LHFPL3: variants seen among roughly 807,000 people sequenced by gnomAD.
LHFPL3 encodes the protein LHFPL tetraspan subfamily member 3, also known as LHFPL tetraspan subfamily member 3 protein.
A neutral mutation model predicts 19.3 loss-of-function variants in LHFPL3; 5 were observed. The ratio of observed to expected loss-of-function variants is 0.26; its 90% CI spans 0.14 to 0.54. The LOEUF is 0.54. LHFPL3 is among the 20% of genes least tolerant of loss of function. The pLI is 0.94. For missense variants in LHFPL3, 249 were observed against 307.4 expected (o/e 0.81, Z 1.42); for synonymous variants, 133 against 126.2 (o/e 1.05, Z -0.36).
At chr7:104,658,089 A>T (rs1463271851) in intron 1 of LHFPL3, among the ~76,000 whole-genome samples, 2 of 152,276 alleles carry the variant, frequency 1.3e-5, no homozygotes, top group East Asian at 3.8e-4. Flanking sequence ...AAGTAAAATT[A>T]TGGAGAGCTT....
chr7:104,840,977 G>T (rs763535882), intron 2 of LHFPL3, among the ~76,000 whole-genome samples: 3 of 151,916 alleles, frequency 2.0e-5, no homozygotes, highest in Non-Finnish European at 4.4e-5. Context: ...TAGTTGAGCC[G>T]CCATGATGAG....
chr7:104,397,809 T>C (rs79507384), intron 1 of LHFPL3, among the ~76,000 whole-genome samples: 13,918 of 152,236 alleles, frequency 0.091, 695 homozygotes, highest in Non-Finnish European at 0.1. Flanking sequence ...GACTTGGCTT[T>C]GGAGGAAGTG....
chr7:104,790,549 AC>A (rs1790005537), intron 2 of LHFPL3, among the ~76,000 whole-genome samples: 2 of 152,266 alleles, frequency 1.3e-5, no homozygotes, highest in African/African-American at 2.4e-5. Flanking sequence ...AGTATAAACC[AC>A]CTAGGTACAA....
intron 1 of LHFPL3, among the ~76,000 whole-genome samples, chr7:104,626,967 C>G (rs995526353): frequency 6.6e-6 from 1 of 152,108 alleles, no homozygotes; most frequent in African/African-American, 2.4e-5. Flanking sequence ...CATTACTTCT[C>G]TTACCATTTT....
At chr7:104,664,192 C>G (rs1186310991) in intron 1 of LHFPL3, among the ~76,000 whole-genome samples, 1 of 152,092 alleles carries the variant, frequency 6.6e-6, no homozygotes, top group Non-Finnish European at 1.5e-5. Context: ...AATTTCCATC[C>G]CACATTCTGC....
chr7:104,376,038 G>A (rs1449608824), intron 1 of LHFPL3, among the ~76,000 whole-genome samples: 2 of 152,164 alleles, frequency 1.3e-5, no homozygotes, highest in African/African-American at 2.4e-5. Flanking sequence ...TGGCACATTA[G>A]GTTATCCTTA....
chr7:104,358,437 A>G (rs1046152449), intron 1 of LHFPL3, among the ~76,000 whole-genome samples: 3 of 152,148 alleles, frequency 2.0e-5, no homozygotes, highest in African/African-American at 4.8e-5. Context: ...TGTCAGTTTC[A>G]TATGTTTACC....
intron 2 of LHFPL3, among the ~76,000 whole-genome samples, chr7:104,759,299 C>T (rs943259463): frequency 2.0e-5 from 3 of 151,896 alleles, no homozygotes; most frequent in Admixed American, 6.6e-5. Context: ...TTAATAAGCC[C>T]GAGTTACTCA....
At chr7:104,467,911 G>C (rs746083698) in intron 1 of LHFPL3, among the ~76,000 whole-genome samples, 1 of 152,116 alleles carries the variant, frequency 6.6e-6, no homozygotes, top group Non-Finnish European at 1.5e-5. Context: ...GCTGACCCAT[G>C]AATTTCCTTA....
chr7:104,509,960 CAAAGTT>C (rs1226930296), intron 1 of LHFPL3, among the ~76,000 whole-genome samples: 2 of 151,828 alleles, frequency 1.3e-5, no homozygotes, highest in East Asian at 1.9e-4. Flanking sequence ...CATGGGATAT[CAAAGTT>C]AAAGTGCAGT....
intron 1 of LHFPL3, among the ~76,000 whole-genome samples, chr7:104,665,076 A>C (rs1250238474): frequency 6.6e-6 from 1 of 152,256 alleles, no homozygotes; most frequent in Non-Finnish European, 1.5e-5. Flanking sequence ...TTTAGCACTT[A>C]ATCACTAATT....
chr7:104,354,871 C>T (rs1233605234), intron 1 of LHFPL3, among the ~76,000 whole-genome samples: 3 of 152,024 alleles, frequency 2.0e-5, no homozygotes, highest in African/African-American at 7.3e-5. Context: ...ATCTAAAATA[C>T]AGTAATTTCT....
At chr7:104,509,446 A>G (rs565781249) in intron 1 of LHFPL3, among the ~76,000 whole-genome samples, 2 of 152,274 alleles carry the variant, frequency 1.3e-5, no homozygotes, top group African/African-American at 4.8e-5. Context: ...ATTAACCAAT[A>G]TAATCCACCA....
At chr7:104,754,131 G>A (rs1794235535) in intron 2 of LHFPL3, among the ~76,000 whole-genome samples, 1 of 152,232 alleles carries the variant, frequency 6.6e-6, no homozygotes, top group African/African-American at 2.4e-5. Flanking sequence ...AATTTGGGAT[G>A]AGTAGAAACC....
chr7:104,747,202 A>C (rs1794063084), intron 2 of LHFPL3, among the ~76,000 whole-genome samples: 1 of 152,224 alleles, frequency 6.6e-6, no homozygotes, highest in Non-Finnish European at 1.5e-5. Context: ...TATTTCTGCA[A>C]GTTCGATGAC....
At chr7:104,644,197 T>C (rs573019581) in intron 1 of LHFPL3, among the ~76,000 whole-genome samples, 2 of 152,328 alleles carry the variant, frequency 1.3e-5, no homozygotes, top group Admixed American at 1.3e-4. Context: ...ACAGTTTTGT[T>C]TGCTGGATCT....
chr7:104,816,420 T>C (rs1470241123), intron 2 of LHFPL3, among the ~76,000 whole-genome samples: 2 of 152,168 alleles, frequency 1.3e-5, no homozygotes, highest in African/African-American at 2.4e-5. Flanking sequence ...AAAGGATGCA[T>C]TTACCAAAGA....
At chr7:104,643,111 T>C (rs992489121) in intron 1 of LHFPL3, among the ~76,000 whole-genome samples, 1 of 152,228 alleles carries the variant, frequency 6.6e-6, no homozygotes, top group African/African-American at 2.4e-5. Flanking sequence ...ATCTGAAGTC[T>C]AAACTTCGGA....
chr7:104,348,758 G>A (rs1286077960), intron 1 of LHFPL3, among the ~76,000 whole-genome samples: 4 of 152,152 alleles, frequency 2.6e-5, no homozygotes. Context: ...AGATCTAGAG[G>A]ACAAAAGAAA....
Sources: allele counts gnomAD v4.1 joint callset (sites outside exome capture counted in the v4.1 genomes callset), GRCh38; gene constraint gnomAD v4.1.1; transcripts MANE v1.5; gene names NCBI Gene and HGNC (gene_info 2026-07-23, HGNC 2026-07-21).